The following DSCAM variants were observed in gnomAD, a reference collection of about 807,000 sequenced individuals.
DSCAM encodes the protein cell adhesion molecule DSCAM.
A neutral mutation model predicts 217.7 loss-of-function variants in DSCAM; 47 were observed. The ratio of observed to expected loss-of-function variants is 0.22; its 90% CI spans 0.17 to 0.28. DSCAM has a LOEUF of 0.28. Among genes scored for constraint, DSCAM ranks in the 10% least tolerant of loss-of-function variants. The pLI, the probability that DSCAM is intolerant of heterozygous loss-of-function variation, is 1.00. For missense variants in DSCAM, 2,080 were observed against 2,618.3 expected (o/e 0.79, Z 4.49); for synonymous variants, 1,056 against 1,015.3 (o/e 1.04, Z -0.76).
At chr21:40,571,560 A>G (rs8129101) in intron 3 of DSCAM, among the ~76,000 whole-genome samples, 8,653 of 152,320 alleles carry the variant, frequency 0.057, 333 homozygotes, top group South Asian at 0.15. Flanking sequence ...CTGAAAGAAT[A>G]TCATACATGA....
chr21:40,505,887 A>G (rs1427522460), intron 3 of DSCAM, among the ~76,000 whole-genome samples: 3 of 152,082 alleles, frequency 2.0e-5, no homozygotes, highest in Non-Finnish European at 4.4e-5. Context: ...TTCGCCAACA[A>G]CTCTATTAAT....
At chr21:40,095,660 C>T (rs900439870) in intron 20 of DSCAM, among the ~76,000 whole-genome samples, 1 of 152,052 alleles carries the variant, frequency 6.6e-6, no homozygotes, top group Non-Finnish European at 1.5e-5. Context: ...TACTAAGAGC[C>T]ACTGAATTGT....
intron 3 of DSCAM, among the ~76,000 whole-genome samples, chr21:40,575,613 C>T (rs938609610): frequency 1.2e-4 from 19 of 152,162 alleles, no homozygotes; most frequent in African/African-American, 4.6e-4. Context: ...GAGTCCGACT[C>T]AACTCCTTAT....
intron 1 of DSCAM, among the ~76,000 whole-genome samples, chr21:40,723,307 C>T (rs2090922060): frequency 6.6e-6 from 1 of 152,144 alleles, no homozygotes; most frequent in Non-Finnish European, 1.5e-5. Context: ...TGTGCTGGTA[C>T]TAGGCTCTTA....
intron 8 of DSCAM, among the ~76,000 whole-genome samples, chr21:40,326,237 A>G (rs573785684): frequency 6.6e-6 from 1 of 152,314 alleles, no homozygotes; most frequent in Non-Finnish European, 1.5e-5. Flanking sequence ...GACAAAACAA[A>G]AACAAAATTC....
At chr21:40,257,469 AACACACACAC>A (rs141911963) in intron 11 of DSCAM, among the ~76,000 whole-genome samples, 1 of 144,690 alleles carries the variant, frequency 6.9e-6, no homozygotes, top group African/African-American at 2.6e-5. Flanking sequence ...GTATTTGCTG[AACACACACAC>A]ACACACACAC....
intron 30 of DSCAM, among the ~76,000 whole-genome samples, chr21:40,050,512 T>C (rs1367325665): frequency 1.3e-5 from 2 of 151,440 alleles, no homozygotes; most frequent in African/African-American, 4.9e-5. Context: ...AGACAGAGTC[T>C]CGCTCTGTCG....
chr21:40,278,744 GGAGGAGGAA>G (rs2073722445), intron 10 of DSCAM, among the ~76,000 whole-genome samples: 1 of 151,816 alleles, frequency 6.6e-6, no homozygotes, highest in East Asian at 2.0e-4. Context: ...AGAAGGAGGA[GGAGGAGGAA>G]GAGGAGGAGG....
intron 3 of DSCAM, among the ~76,000 whole-genome samples, chr21:40,685,932 CAAACAAAAACAA>C (rs138811486): frequency 0.29 from 41,710 of 142,900 alleles, 6,320 homozygotes; most frequent in Admixed American, 0.44. Flanking sequence ...GAAACTGAGG[CAAACAAAAACAA>C]AAACAAAAAC....
Position 40,074,959 on chromosome 21 carries a change from TTCTCCAGCTGGCATC to T in DSCAM, c.4888+63_4888+77del, listed in dbSNP as rs2146545194. On this transcript the variant is annotated intron_variant, in intron 27 of 32. Transcript: ENST00000400454. ...AAGAGTCACTCCCTTTTGAGGTTTG[TTCTCCAGCTGGCATC>T]TCTCCCATTGGCTGCAGAGCAGCAG... 2.0e-6 allele frequency: 3 copies of T among 1,485,290 alleles called. No individual in the cohort carries two copies. In the Admixed American group the frequency reaches 6.1e-5, roughly 30 times the overall value. 92.0% of individuals were successfully genotyped at this position (1,485,290 alleles called of 1,614,324 possible).
At chr21:40,502,057 C>A (rs909989752) in intron 3 of DSCAM, among the ~76,000 whole-genome samples, 2 of 152,100 alleles carry the variant, frequency 1.3e-5, no homozygotes, top group Admixed American at 1.3e-4. Flanking sequence ...TCAGGAAGCT[C>A]CCTGAAGCTG....
chr21:40,624,840 T>C (rs1016779910), intron 3 of DSCAM, among the ~76,000 whole-genome samples: 3 of 152,212 alleles, frequency 2.0e-5, no homozygotes, highest in African/African-American at 7.2e-5. Context: ...ATATCTCCAA[T>C]ACATTTTGAA....
At chr21:40,418,571 C>T (rs1043848296) in intron 3 of DSCAM, among the ~76,000 whole-genome samples, 6 of 152,000 alleles carry the variant, frequency 3.9e-5, no homozygotes, top group East Asian at 3.9e-4. Flanking sequence ...TCAGGATTGC[C>T]GGTACTGAAG....
At chr21:40,470,440 C>T (rs1312288548) in intron 3 of DSCAM, among the ~76,000 whole-genome samples, 2 of 152,232 alleles carry the variant, frequency 1.3e-5, no homozygotes, top group Admixed American at 1.3e-4. Context: ...TTTGCTTCTG[C>T]GAGGCTGTCC....
intron 11 of DSCAM, among the ~76,000 whole-genome samples, chr21:40,210,698 C>A (rs1030791666): frequency 6.6e-6 from 1 of 152,196 alleles, no homozygotes; most frequent in African/African-American, 2.4e-5. Context: ...GCATGTGCCA[C>A]CATGCTTGGC....
chr21:40,262,823 G>A (rs556431127), intron 11 of DSCAM, among the ~76,000 whole-genome samples: 8 of 152,296 alleles, frequency 5.3e-5, no homozygotes, highest in South Asian at 4.1e-4. Flanking sequence ...GCCTAATACC[G>A]TGCTTGGCAC....
intron 3 of DSCAM, among the ~76,000 whole-genome samples, chr21:40,378,551 C>CT (rs2074986379): frequency 9.9e-6 from 1 of 101,406 alleles, no homozygotes; most frequent in Non-Finnish European, 2.1e-5. Context: ...ACAATGAAAA[C>CT]TTATTTTTTT....
chr21:40,608,429 T>C (rs1158467922), intron 3 of DSCAM, among the ~76,000 whole-genome samples: 1 of 152,198 alleles, frequency 6.6e-6, no homozygotes, highest in Non-Finnish European at 1.5e-5. Flanking sequence ...CCAGGTAACA[T>C]TGTATATTTT....
At chr21:40,297,603 G>C (rs913314907) in intron 9 of DSCAM, among the ~76,000 whole-genome samples, 1 of 152,204 alleles carries the variant, frequency 6.6e-6, no homozygotes, top group African/African-American at 2.4e-5. Context: ...TAGGGCCTAA[G>C]TTAGCAAGGG....
Sources: gnomAD v4.1 joint callset for allele counts (sites outside exome capture counted in the v4.1 genomes callset) on GRCh38, gnomAD v4.1.1 for gene constraint, MANE v1.5 for transcripts, NCBI Gene and HGNC (gene_info 2026-07-23, HGNC 2026-07-21) for gene names.